The following HMMR variants were observed in gnomAD, a reference collection of about 807,000 sequenced individuals.
The protein encoded by HMMR is intracellular hyaluronic acid-binding protein.
A neutral mutation model predicts 101.0 loss-of-function variants in HMMR; 108 were observed. The ratio of observed to expected loss-of-function variants is 1.07; its 90% CI spans 0.92 to 1.25. The LOEUF (loss-of-function observed/expected upper bound fraction) is 1.25. Among genes scored for constraint, HMMR ranks in the 50% most tolerant of loss-of-function variants. The pLI, the probability that HMMR is intolerant of heterozygous loss-of-function variation, is 0.00. For synonymous variants in HMMR, 296 were observed against 276.4 expected (o/e 1.07, Z -0.70); for missense variants, 813 against 788.7 (o/e 1.03, Z -0.37).
At chr5:163,478,102 A>G (rs375640258) in intron 11 of HMMR, among the ~76,000 whole-genome samples, 3 of 152,292 alleles carry the variant, frequency 2.0e-5, no homozygotes, top group South Asian at 4.1e-4. Flanking sequence ...TTGGAAATAT[A>G]TTATTTCCAA....
intron 16 of HMMR, 94 bp from the exon 17 acceptor site, chr5:163,490,296 A>C: frequency 1.3e-6 from 1 of 779,414 alleles, no homozygotes; most frequent in Non-Finnish European, 2.1e-6. Context: ...GATAATACAT[A>C]AACAACTTTG....
chr5:163,482,309 G>T (rs10866742), intron 12 of HMMR, among the ~76,000 whole-genome samples: 33,834 of 152,080 alleles, frequency 0.22, 5,109 homozygotes, highest in East Asian at 0.68. Flanking sequence ...TTCTGCTCCA[G>T]CCTTTCTTAC....
At chr5:163,476,873 C>A (rs1034403155) in intron 11 of HMMR, among the ~76,000 whole-genome samples, 2 of 152,048 alleles carry the variant, frequency 1.3e-5, no homozygotes, top group African/African-American at 2.4e-5. Flanking sequence ...ACTAAAAATA[C>A]ATAGTAAATT....
intron 3 of HMMR, 92 bp from the exon 4 acceptor site, chr5:163,467,609 C>T: frequency 3.0e-6 from 2 of 667,444 alleles, no homozygotes; most frequent in Non-Finnish European, 5.5e-6. Context: ...CTGATTGGAT[C>T]CCTTCATCTT....
Position 163,482,687 on chromosome 5 carries a change from G to C in HMMR, c.1431G>C (p.Glu477Asp). 6.2e-7 allele frequency: 1 copy of C among 1,612,390 alleles called. No individual in the cohort carries two copies. Among genetic ancestry groups the C allele is most frequent in the South Asian group, 1.1e-5 (1 of 91,038 alleles). The change falls in exon 13 of 18, where the codon GAG (glutamate) becomes GAC (aspartate). Residue 477 changes from glutamate to aspartate, a missense_variant. Physicochemically the swap from Glu to Asp is conservative, Grantham distance 45. Coordinates refer to ENST00000393915, the MANE Select transcript of HMMR (RefSeq NM_001142556.2). ...GTGAGATAGAAGATCTTAAGCTGGA[G>C]AACTCATCATTACAGGAAAAAGCGG... The part of the protein sequence containing the change: ...TASEIEDLKL[E>D]NSSLQEKAAK...
chr5:163,487,997 A>C (rs1355654621), intron 16 of HMMR, among the ~76,000 whole-genome samples: 2 of 152,020 alleles, frequency 1.3e-5, no homozygotes, highest in Admixed American at 6.5e-5. Flanking sequence ...CTGGGACTAC[A>C]GGCGTGCGCC....
intron 9 of HMMR, 51 bp downstream of exon 9, chr5:163,473,608 A>G: frequency 8.7e-7 from 1 of 1,149,622 alleles, no homozygotes; most frequent in Non-Finnish European, 1.2e-6. Flanking sequence ...TACATACAAC[A>G]TTTAGGAAAA....
In HMMR at chr5:163,478,811, T is replaced by C; in HGVS notation, c.1385+11T>C. ...TGCTCAATTTGAAAGGTATTTTTCTTGGGAGCCTGCACTCTTAAATATGAT... is the reference window on the plus strand; with the variant it reads ...TGCTCAATTTGAAAGGTATTTTTCTCGGGAGCCTGCACTCTTAAATATGAT... On this transcript the variant is annotated intron_variant, in intron 12 of 17. Coordinates refer to ENST00000393915, the MANE Select transcript of HMMR (RefSeq NM_001142556.2). 7.0e-7 allele frequency: 1 copy of C among 1,427,860 alleles called. No individual in the cohort carries two copies. Among genetic ancestry groups the C allele is most frequent in the Non-Finnish European group, 9.9e-7 (1 of 1,010,076 alleles). The allele number at this position is 1,427,860 out of a possible 1,614,324, so 88.4% of individuals were successfully genotyped here.
rs748325240 is a variant in HMMR, at chr5:163,469,737, C to T, written c.370C>T (p.Leu124=). The T allele has an allele frequency of 6.2e-7, 1 of 1,612,914 alleles. No homozygotes were observed. The highest frequency in any genetic ancestry group is 8.5e-7 in the Non-Finnish European group (1 of 1,179,042). ...EKMEARLNAA[L]REKTSLSANN... is the part of the protein sequence containing the mutation. ...GATGGAAGCAAGGCTAAATGCTGCA[C>T]TAAGGGAAAAAACATCTCTCTCTGC... is the stretch of plus-strand genomic sequence containing the variant. Residue 124 remains leucine (L), a synonymous_variant, in exon 5 of 18, where the codon CTA becomes TTA. Transcript: ENST00000393915.
chr5:163,487,400 T>C (rs559258040), intron 16 of HMMR, among the ~76,000 whole-genome samples: 14 of 152,312 alleles, frequency 9.2e-5, no homozygotes, highest in African/African-American at 3.4e-4. Context: ...GTTTTTTTAA[T>C]GTCTGTCTCA....
At position 163,483,248 on chromosome 5, in the gene HMMR, A is replaced by G. The variant is rs748521051; in HGVS notation, c.1686-20A>G. On this transcript the variant is annotated intron_variant, in intron 14 of 17. Coordinates refer to ENST00000393915, the MANE Select transcript of HMMR (RefSeq NM_001142556.2). ...TTTTTTAAATAACTATGTTTTTCTC[A>G]ATTTAATTCTTCCATGCAGAAAAGC... The G allele has an allele frequency of 7.5e-6, 12 of 1,595,982 alleles. No homozygotes were observed. Among genetic ancestry groups the G allele is most frequent in the Admixed American group, 3.4e-5 (2 of 58,216 alleles).
At chr5:163,482,195 G>A (rs2113502972) in intron 12 of HMMR, among the ~76,000 whole-genome samples, 1 of 152,254 alleles carries the variant, frequency 6.6e-6, no homozygotes, top group South Asian at 2.1e-4. Flanking sequence ...GGGATTACAG[G>A]CATGAGCCAC....
rs758183182 is a variant in HMMR at position 163,469,818 on chromosome 5, C to A, written c.451C>A (p.Leu151Ile). ...TGAATTGACCAGGACTAATGAACTA[C>A]TAAAATCTAAGGTATCTGAGCCTCA... ...LIELTRTNEL[L>I]KSKFSENGNQ... The change falls in exon 5 of 18, where the codon CTA (leucine) becomes ATA (isoleucine). Residue 151 changes from leucine to isoleucine, a missense_variant. Transcript: ENST00000393915. The A allele has an allele frequency of 1.4e-5, 23 of 1,586,702 alleles. No individual in the cohort carries two copies. Among genetic ancestry groups the A allele is most frequent in the Non-Finnish European group, 1.8e-5 (21 of 1,161,190 alleles).
intron 12 of HMMR, among the ~76,000 whole-genome samples, chr5:163,479,847 T>C (rs1759198668): frequency 6.6e-6 from 1 of 152,090 alleles, no homozygotes. Context: ...CTATATCCAC[T>C]TCCTCACCTC....
chr5:163,467,517 CTT>C, intron 3 of HMMR, among the ~76,000 whole-genome samples, 182 bp from the exon 4 acceptor site: 1 of 152,246 alleles, frequency 6.6e-6, no homozygotes, highest in East Asian at 1.9e-4. Context: ...CCTAAAATGT[CTT>C]GAGATTTTTA....
At chr5:163,479,412 A>G (rs1759183326) in intron 12 of HMMR, among the ~76,000 whole-genome samples, 1 of 152,164 alleles carries the variant, frequency 6.6e-6, no homozygotes, top group South Asian at 2.1e-4. Context: ...GGCTCATACC[A>G]GTAATCCCAG....
intron 5 of HMMR, among the ~76,000 whole-genome samples, chr5:163,470,218 T>C (rs1477768284): frequency 6.6e-6 from 1 of 152,188 alleles, no homozygotes; most frequent in Non-Finnish European, 1.5e-5. Context: ...CAGATTCATT[T>C]TGTTAAGCAA....
At chr5:163,487,621 T>C (rs1759523490) in intron 16 of HMMR, among the ~76,000 whole-genome samples, 1 of 152,156 alleles carries the variant, frequency 6.6e-6, no homozygotes, top group African/African-American at 2.4e-5. Context: ...ATTCAGATTA[T>C]CTCTTTCTTC....
intron 12 of HMMR, among the ~76,000 whole-genome samples, chr5:163,481,571 T>C (rs892607111): frequency 3.9e-5 from 6 of 152,188 alleles, no homozygotes; most frequent in Admixed American, 3.3e-4. Context: ...TCTTGATCCT[T>C]CCATTGCTTT....
Sources: allele counts gnomAD v4.1 joint callset (sites outside exome capture counted in the v4.1 genomes callset), GRCh38; gene constraint gnomAD v4.1.1; transcripts MANE v1.5; gene names NCBI Gene and HGNC (gene_info 2026-07-23, HGNC 2026-07-21).